ZNF117: variants seen among roughly 807,000 people sequenced by gnomAD.
The protein encoded by ZNF117 is Krueppel-related zinc finger protein.
In ZNF117, 37 loss-of-function variants were observed where a neutral mutation model predicts 41.2. That is an observed-to-expected ratio of 0.90 (90% confidence interval 0.69 to 1.18). ZNF117 has a LOEUF of 1.18. Ranked by LOEUF, ZNF117 falls within the 50% of genes most tolerant of loss-of-function variation. ZNF117 has a pLI of 0.00. For missense variants in ZNF117, 546 were observed against 557.5 expected (o/e 0.98, Z 0.21); for synonymous variants, 186 against 186.6 (o/e 1.00, Z 0.02).
chr7:64,976,960 C>T, exon 3 of ZNF117: 1 of 533,532 alleles, frequency 1.9e-6, no homozygotes, highest in South Asian at 1.4e-5. Flanking sequence ...TTAGCTTTGC[C>T]ACATTCTTCA....
At chr7:64,985,434 G>C (rs1211320623), upstream of ZNF117, among the ~76,000 whole-genome samples, 1 of 151,978 alleles carries the variant, frequency 6.6e-6, no homozygotes, top group Non-Finnish European at 1.5e-5. Context: ...CTCAACTTTT[G>C]TGTGCTCTTA....
At position 64,981,502 on chromosome 7, in the gene ZNF117, T is replaced by C. The variant is rs376455991; in HGVS notation, c.-62-20A>G. 9.1e-6 allele frequency: 14 copies of C among 1,540,228 alleles called. No individual in the cohort carries two copies. The African/African-American group carries it at 1.8e-4, about 20-fold the overall frequency. ...CAATACCTGTTTTATTGAAAATAAA[T>C]AACATAAATCTTGCACATATTCTCC... On this transcript the variant is annotated intron_variant, in intron 1 of 2. Coordinates refer to ENST00000620222, the Ensembl canonical transcript of ZNF117.
At chr7:64,972,201 C>T (rs117961902), downstream of ZNF117, 20 of 152,106 alleles carry the variant, frequency 1.3e-4, no homozygotes, top group East Asian at 3.1e-3. Flanking sequence ...AAAAGGAATG[C>T]TTGCACACTG....
At chr7:64,987,192 A>C (rs1352043382) in intron 1 of ZNF117, among the ~76,000 whole-genome samples, 2 of 152,206 alleles carry the variant, frequency 1.3e-5, no homozygotes, top group Non-Finnish European at 2.9e-5. Flanking sequence ...CTGCATCTGA[A>C]TAACTTTTGG....
rs573133783 is a variant in ZNF117, at chr7:64,977,352, A to G, written c.*767T>C. On this transcript the variant is annotated 3_prime_UTR_variant, in exon 3 of 3. Coordinates refer to ENST00000620222, the Ensembl canonical transcript of ZNF117. Reference sequence around the variant, plus strand: ...AGTGTGAATTATCTTATATGTAGAAAGGGTTGAAGACTGGCTAAAAGCTTT... The same window carrying G: ...AGTGTGAATTATCTTATATGTAGAAGGGGTTGAAGACTGGCTAAAAGCTTT... The G allele has an allele frequency of 4.2e-4, 174 of 412,408 alleles. 3 individuals carry two copies. Among genetic ancestry groups the G allele is most frequent in the South Asian group, 3.2e-3 (167 of 52,002 alleles). 25.5% of individuals were successfully genotyped at this position (412,408 alleles called of 1,614,324 possible).
At chr7:64,978,889 T>G in exon 3 of ZNF117, 1 of 1,613,698 alleles carries the variant, frequency 6.2e-7, no homozygotes, top group Non-Finnish European at 8.5e-7. Context: ...TTAAAAGCTC[T>G]AACACATTTC....
intron 1 of ZNF117, among the ~76,000 whole-genome samples, chr7:64,989,036 T>A (rs1283063711): frequency 6.6e-6 from 1 of 152,010 alleles, no homozygotes; most frequent in Non-Finnish European, 1.5e-5. Context: ...AATTTACAGA[T>A]CTAATGTAAT....
chr7:64,978,559 A>G (rs1785950689), exon 3 of ZNF117: 3 of 1,612,968 alleles, frequency 1.9e-6, no homozygotes, highest in Non-Finnish European at 2.5e-6. Context: ...GCTTTGCCAC[A>G]TTCCTCACAT....
Position 64,978,996 on chromosome 7 carries a change from G to A in ZNF117, c.575C>T (p.Pro192Leu), listed in dbSNP as rs1487303670. The A allele has an allele frequency of 1.9e-6, 3 of 1,613,274 alleles. No homozygotes were observed. The highest frequency in any genetic ancestry group is 2.2e-5 in the South Asian group (2 of 91,058). Residue 192 changes from proline (P) to leucine (L), a missense_variant, in exon 3 of 3, where the codon CCC becomes CTC. Transcript: ENST00000620222. ...TTTGCCACATTCTTCACATTTGTAG[G>A]GTTTCTCTTCAGTATGAATTCTCTT...
At chr7:64,978,440 A>G in exon 3 of ZNF117, 3 of 1,613,602 alleles carry the variant, frequency 1.9e-6, no homozygotes, top group Non-Finnish European at 2.5e-6. Context: ...TCTTATGTGT[A>G]TTAAGGGCTG....
exon 3 of ZNF117, chr7:64,977,426 A>G: frequency 2.3e-6 from 1 of 441,042 alleles, no homozygotes; most frequent in East Asian, 6.1e-5. Context: ...GAATTTTCTT[A>G]TGTGTAGTAA....
chr7:64,977,886 C>T (rs1584045928), exon 3 of ZNF117: 1 of 1,191,084 alleles, frequency 8.4e-7, no homozygotes. Context: ...AGCTCTGCCA[C>T]ATTCTTCACA....
chr7:64,976,739 C>A, exon 3 of ZNF117: 1 of 355,376 alleles, frequency 2.8e-6, no homozygotes, highest in East Asian at 7.4e-5. Flanking sequence ...TTTAAGATTT[C>A]TCACCAGTAT....
upstream of ZNF117, among the ~76,000 whole-genome samples, chr7:64,985,746 G>T (rs947749844): frequency 6.6e-6 from 1 of 151,922 alleles, no homozygotes; most frequent in Admixed American, 6.6e-5. Flanking sequence ...GAATCATGAG[G>T]TCAGGAGTTT....
chr7:64,977,844 T>A (rs1167044819), exon 3 of ZNF117: 11 of 1,120,098 alleles, frequency 9.8e-6, no homozygotes, highest in Non-Finnish European at 1.5e-5. Flanking sequence ...ATGAATTTTC[T>A]TATGTTTAAT....
chr7:64,977,273 T>G (rs1785912603), exon 3 of ZNF117: 1 of 412,460 alleles, frequency 2.4e-6, no homozygotes, highest in African/African-American at 2.1e-5. Flanking sequence ...CTGTAAGGTT[T>G]GAAGATCGGT....
chr7:64,977,445 C>T (rs1182842737), exon 3 of ZNF117: 2 of 455,616 alleles, frequency 4.4e-6, no homozygotes, highest in East Asian at 5.9e-5. Context: ...AAGTTTTGAG[C>T]ATCGACTGAA....
chr7:64,978,780 A>T (rs1381601303), exon 3 of ZNF117: 2 of 1,613,358 alleles, frequency 1.2e-6, no homozygotes, highest in Admixed American at 3.3e-5. Flanking sequence ...ATGTTCAGTA[A>T]GTTTTGAGGA....
At chr7:64,978,316 A>G in exon 3 of ZNF117, 1 of 1,608,034 alleles carries the variant, frequency 6.2e-7, no homozygotes. Flanking sequence ...CATTCTTCAC[A>G]TTTGTAGAGT....
Sources: allele counts gnomAD v4.1 joint callset (sites outside exome capture counted in the v4.1 genomes callset), GRCh38; gene constraint gnomAD v4.1.1; transcripts MANE v1.5; gene names NCBI Gene and HGNC (gene_info 2026-07-23, HGNC 2026-07-21).